Variants in RHOJ observed in about 807,000 individuals in gnomAD.
RHOJ encodes rho-related GTP-binding protein RhoJ.
Under a neutral mutation model 23.4 loss-of-function variants are expected in RHOJ, and 11 were observed. The observed-to-expected ratio is 0.47, with a 90% CI of 0.30 to 0.78. The LOEUF (loss-of-function observed/expected upper bound fraction) is 0.78, where lower values mean the gene tolerates loss of function less well. Ranked by LOEUF, RHOJ falls within the 30% of genes least tolerant of loss-of-function variation. The probability of loss-of-function intolerance (pLI) is 0.08; values close to 1 mark genes in which losing one functional copy is unlikely to be tolerated. For missense variants in RHOJ, 254 were observed against 273.4 expected, an observed-to-expected ratio of 0.93 and a Z score of 0.50; for synonymous variants, 102 against 102.7, an observed-to-expected ratio of 0.99 and a Z score of 0.04.
chr14:63,276,224 G>GT (rs1881715901), intron 2 of RHOJ, among the ~76,000 whole-genome samples: 1 of 152,106 alleles, frequency 6.6e-6, no homozygotes, highest in Non-Finnish European at 1.5e-5. Flanking sequence ...GGGGGGCGGG[G>GT]GCTGCGTGGC....
chr14:63,217,104 T>G (rs887577051), intron 1 of RHOJ, among the ~76,000 whole-genome samples: 2 of 150,760 alleles, frequency 1.3e-5, no homozygotes, highest in Admixed American at 1.3e-4. Context: ...TTTATTATTA[T>G]ACTTTAAGTT....
At chr14:63,229,904 T>G (rs1385470782) in intron 1 of RHOJ, among the ~76,000 whole-genome samples, 1 of 152,202 alleles carries the variant, frequency 6.6e-6, no homozygotes, top group Non-Finnish European at 1.5e-5. Context: ...CACCATACCG[T>G]GTTGGCTCTT....
At chr14:63,216,117 T>C (rs1894350777) in intron 1 of RHOJ, among the ~76,000 whole-genome samples, 1 of 152,244 alleles carries the variant, frequency 6.6e-6, no homozygotes, top group African/African-American at 2.4e-5. Context: ...TTGTTTTCTC[T>C]GGAAAAGAAA....
At position 63,204,903 on chromosome 14, in the gene RHOJ, G is replaced by C; in HGVS notation, c.34G>C (p.Gly12Arg). Reference protein sequence around the residue: ...NCKEGTDSSCGCRGNDEKKML... With the variant: ...NCKEGTDSSCRCRGNDEKKML... ...CAAAGAGGGAACTGACAGCAGCTGC[G>C]GCTGCAGGGGCAACGACGAGAAGAA... The change falls in exon 1 of 5, where the codon GGC becomes CGC. Residue 12 changes from glycine to arginine, a missense_variant. Coordinates refer to ENST00000316754, the MANE Select transcript of RHOJ (RefSeq NM_020663.5). 6.2e-7 allele frequency: 1 copy of C among 1,614,066 alleles called. No homozygotes were observed. The highest frequency in any genetic ancestry group is 8.5e-7 in the Non-Finnish European group (1 of 1,179,986).
chr14:63,206,642 A>G (rs1894115255), intron 1 of RHOJ, among the ~76,000 whole-genome samples: 1 of 152,228 alleles, frequency 6.6e-6, no homozygotes, highest in African/African-American at 2.4e-5. Flanking sequence ...GAAGCCAGTT[A>G]CAGTATGGTA....
chr14:63,261,136 G>T (rs1895264884), intron 1 of RHOJ, among the ~76,000 whole-genome samples: 1 of 152,142 alleles, frequency 6.6e-6, no homozygotes, highest in Non-Finnish European at 1.5e-5. Context: ...ATGACCCAAG[G>T]TTGTATCTCT....
At chr14:63,274,766 A>G (rs1416940178) in intron 2 of RHOJ, among the ~76,000 whole-genome samples, 1 of 152,218 alleles carries the variant, frequency 6.6e-6, no homozygotes, top group African/African-American at 2.4e-5. Flanking sequence ...GGATCACACC[A>G]TAGTCACAAA....
chr14:63,271,551 G>T (rs968088573), intron 2 of RHOJ, among the ~76,000 whole-genome samples: 9 of 152,106 alleles, frequency 5.9e-5, no homozygotes, highest in East Asian at 1.9e-4. Context: ...TGCTTCTACA[G>T]GTCTAGGGTG....
chr14:63,278,418 G>T lies in RHOJ; in HGVS notation c.238-2553G>T, dbSNP rs1025146769. Among the ~76,000 whole-genome samples, 5 of 151,864 alleles carry T rather than the reference G, an allele frequency of 3.3e-5. 1 individual carries two copies. Among genetic ancestry groups the T allele is most frequent in the Non-Finnish European group, 7.4e-5 (5 of 67,978 alleles). On this transcript the variant is annotated intron_variant, in intron 2 of 4. Transcript: ENST00000316754. ...TGCACATGTGTGTACTTCCTTTTCT[G>T]GTCTTTTTTAAAATTTTTTTTATTA...
intron 1 of RHOJ, among the ~76,000 whole-genome samples, chr14:63,243,343 TTTG>T (rs753871067): frequency 3.7e-4 from 57 of 152,086 alleles, no homozygotes; most frequent in Non-Finnish European, 7.5e-4. Context: ...ACATTTCTTT[TTTG>T]TTGTTGTTGT....
intron 1 of RHOJ, among the ~76,000 whole-genome samples, chr14:63,237,293 C>T (rs1158257468): frequency 1.3e-5 from 2 of 151,796 alleles, no homozygotes; most frequent in Non-Finnish European, 2.9e-5. Context: ...GATGATATAA[C>T]CTAGAAAGCA....
intron 1 of RHOJ, among the ~76,000 whole-genome samples, chr14:63,227,051 A>C (rs1594756137): frequency 6.6e-6 from 1 of 152,174 alleles, no homozygotes; most frequent in African/African-American, 2.4e-5. Context: ...TCCTGGGTTC[A>C]AGCGATTCTC....
At chr14:63,219,824 A>T (rs1216473695) in intron 1 of RHOJ, among the ~76,000 whole-genome samples, 1 of 152,112 alleles carries the variant, frequency 6.6e-6, no homozygotes. Flanking sequence ...CAAAAAAAAA[A>T]AAAAAAGGTC....
At chr14:63,246,823 C>T (rs767337231) in intron 1 of RHOJ, among the ~76,000 whole-genome samples, 5 of 152,080 alleles carry the variant, frequency 3.3e-5, no homozygotes, top group Non-Finnish European at 5.9e-5. Context: ...GTAGAAGTGA[C>T]GAGGAATGGA....
At chr14:63,217,220 A>G (rs1340541857) in intron 1 of RHOJ, among the ~76,000 whole-genome samples, 2 of 146,358 alleles carry the variant, frequency 1.4e-5, no homozygotes, top group Admixed American at 6.9e-5. Flanking sequence ...TATATCTCCC[A>G]ATGCTATCCC....
chr14:63,246,324 T>C (rs529719333), intron 1 of RHOJ, among the ~76,000 whole-genome samples: 1 of 152,250 alleles, frequency 6.6e-6, no homozygotes, highest in Non-Finnish European at 1.5e-5. Context: ...AAAACAAAGA[T>C]AAAAATTAAA....
At chr14:63,211,625 A>G (rs537037937) in intron 1 of RHOJ, among the ~76,000 whole-genome samples, 1 of 152,320 alleles carries the variant, frequency 6.6e-6, no homozygotes, top group Non-Finnish European at 1.5e-5. Context: ...AACATTCTAA[A>G]TCTACTCTTC....
intron 4 of RHOJ, chr14:63,284,442 T>C (rs1882015855): frequency 1.1e-5 from 8 of 752,544 alleles, no homozygotes; most frequent in South Asian, 6.0e-5. Context: ...CTTAAGCAGA[T>C]AGCGTTGGTC....
At chr14:63,247,440 T>C (rs1894995726) in intron 1 of RHOJ, among the ~76,000 whole-genome samples, 1 of 152,148 alleles carries the variant, frequency 6.6e-6, no homozygotes, top group Non-Finnish European at 1.5e-5. Context: ...CCCTACAATC[T>C]AGTGTGTTCT....
Sources: allele counts gnomAD v4.1 joint callset (sites outside exome capture counted in the v4.1 genomes callset), GRCh38; gene constraint gnomAD v4.1.1; transcripts MANE v1.5; gene names NCBI Gene and HGNC (gene_info 2026-07-23, HGNC 2026-07-21).